The following THSD7A variants were observed in gnomAD, a reference collection of about 807,000 sequenced individuals.
The protein encoded by THSD7A is thrombospondin type 1 domain containing 7A.
A neutral mutation model predicts 231.3 loss-of-function variants in THSD7A; 96 were observed. That is an observed-to-expected ratio of 0.41 (90% CI 0.35 to 0.49). THSD7A has a LOEUF of 0.49. Ranked by LOEUF, THSD7A falls within the 20% of genes least tolerant of loss-of-function variation. The pLI is 0.05. For missense variants in THSD7A, 2,290 were observed against 2,070.2 expected (o/e 1.11, Z -2.06); for synonymous variants, 940 against 743.3 (o/e 1.26, Z -4.30).
At chr7:11,608,508 G>T (rs1039820238) in intron 2 of THSD7A, among the ~76,000 whole-genome samples, 2 of 152,118 alleles carry the variant, frequency 1.3e-5, no homozygotes, top group African/African-American at 4.8e-5. Flanking sequence ...AGAACATTGG[G>T]TTACATTAAC....
chr7:11,457,218 A>G (rs147499326), intron 11 of THSD7A, among the ~76,000 whole-genome samples: 1 of 152,142 alleles, frequency 6.6e-6, no homozygotes, highest in African/African-American at 2.4e-5. Context: ...ACATTTCTAC[A>G]TTTCAAGTGC....
At chr7:11,420,577 C>T (rs1784110608) in intron 16 of THSD7A, among the ~76,000 whole-genome samples, 1 of 152,194 alleles carries the variant, frequency 6.6e-6, no homozygotes, top group Non-Finnish European at 1.5e-5. Flanking sequence ...GCTTTCAGTA[C>T]TAGGGCAGTG....
At chr7:11,502,057 C>T (rs1209458400) in intron 6 of THSD7A, among the ~76,000 whole-genome samples, 1 of 152,084 alleles carries the variant, frequency 6.6e-6, no homozygotes, top group Non-Finnish European at 1.5e-5. Flanking sequence ...TGGACATACA[C>T]ACCCTCCCAA....
intron 1 of THSD7A, among the ~76,000 whole-genome samples, chr7:11,781,480 G>A (rs766156033): frequency 4.6e-5 from 7 of 151,852 alleles, no homozygotes; most frequent in Non-Finnish European, 7.4e-5. Context: ...AAAAGAAGAC[G>A]AAAAGAAAGG....
intron 4 of THSD7A, among the ~76,000 whole-genome samples, chr7:11,570,291 A>G (rs1790568399): frequency 6.6e-6 from 1 of 152,222 alleles, no homozygotes; most frequent in Admixed American, 6.5e-5. Flanking sequence ...GGTGGGAGCT[A>G]AAAAGAGTTG....
chr7:11,658,517 G>C (rs1469822605), intron 1 of THSD7A, among the ~76,000 whole-genome samples: 1 of 151,438 alleles, frequency 6.6e-6, no homozygotes, highest in Non-Finnish European at 1.5e-5. Flanking sequence ...GTCTCTCTGA[G>C]GGTGTGTTAC....
At chr7:11,520,916 G>A (rs558132466) in intron 6 of THSD7A, among the ~76,000 whole-genome samples, 2 of 152,254 alleles carry the variant, frequency 1.3e-5, no homozygotes, top group African/African-American at 4.8e-5. Flanking sequence ...TTTTAGCCAT[G>A]GCAACAAGAG....
intron 17 of THSD7A, among the ~76,000 whole-genome samples, chr7:11,414,618 C>G (rs117495161): frequency 1.5e-3 from 224 of 152,268 alleles, no homozygotes; most frequent in African/African-American, 3.4e-3. Flanking sequence ...TGTCATTCTT[C>G]AGTTGACAAC....
intron 1 of THSD7A, among the ~76,000 whole-genome samples, chr7:11,651,515 C>CTATCTA (rs1782507759): frequency 6.6e-6 from 1 of 150,920 alleles, no homozygotes; most frequent in Non-Finnish European, 1.5e-5. Context: ...ATCTATCTAT[C>CTATCTA]TATCTATCTA....
chr7:11,800,801 C>T (rs932105430), intron 1 of THSD7A, among the ~76,000 whole-genome samples: 3 of 152,102 alleles, frequency 2.0e-5, no homozygotes, highest in African/African-American at 7.2e-5. Flanking sequence ...TCCTAGAGCT[C>T]TTCTCTACAA....
rs1782972508 is a variant in THSD7A at position 11,391,317 on chromosome 7, AGGC to A, written c.4412-8704_4412-8702del. The stretch of plus-strand genomic sequence containing the variant: ...CTGCCCAGAGAGGAGGAATCTAGAA[AGGC>A]GGTCTGGCCACAGCAGACTTGCTGA... On this transcript the variant is annotated intron_variant, in intron 23 of 27. Coordinates refer to ENST00000423059, the MANE Select transcript of THSD7A (RefSeq NM_015204.3). 2.0e-5 allele frequency among the ~76,000 whole-genome samples: 3 copies of A among 152,330 alleles called. No homozygotes were observed. The South Asian group carries it at 6.2e-4, about 32-fold the overall frequency.
chr7:11,587,430 G>C (rs1026487015), intron 4 of THSD7A, among the ~76,000 whole-genome samples: 4 of 152,146 alleles, frequency 2.6e-5, no homozygotes, highest in Non-Finnish European at 5.9e-5. Context: ...TAGTTGTCAG[G>C]ATTGGGAGGG....
chr7:11,404,211 A>C (rs1783505691), intron 22 of THSD7A, among the ~76,000 whole-genome samples: 1 of 152,198 alleles, frequency 6.6e-6, no homozygotes, highest in Admixed American at 6.5e-5. Flanking sequence ...GTACAAGGAC[A>C]GGGTCTCTTG....
chr7:11,780,270 A>G (rs1583284952), intron 1 of THSD7A, among the ~76,000 whole-genome samples: 1 of 152,168 alleles, frequency 6.6e-6, no homozygotes, highest in East Asian at 1.9e-4. Context: ...TTATGATGGT[A>G]TATTTAGTCT....
At chr7:11,393,280 A>G (rs1011269600) in intron 23 of THSD7A, among the ~76,000 whole-genome samples, 1 of 152,132 alleles carries the variant, frequency 6.6e-6, no homozygotes, top group African/African-American at 2.4e-5. Flanking sequence ...GACCTGCAGC[A>G]GAGGGTCCTG....
Position 11,373,035 on chromosome 7 carries a change from A to G in THSD7A, c.*2759T>C, listed in dbSNP as rs972541167. On this transcript the variant is annotated 3_prime_UTR_variant, in exon 28 of 28. Transcript: ENST00000423059. ...CTAATATTAGGTCATGTTGAACCTAATTTCCTCTCTCTCATATATATGGGT... is the reference window on the plus strand; with the variant it reads ...CTAATATTAGGTCATGTTGAACCTAGTTTCCTCTCTCTCATATATATGGGT... 3.4e-5 allele frequency: 5 copies of G among 148,948 alleles called. No homozygotes were observed. Among genetic ancestry groups the G allele is most frequent in the Non-Finnish European group, 7.4e-5 (5 of 67,262 alleles). The allele number at this position is 148,948 out of a possible 1,614,324, so 9.2% of individuals were successfully genotyped here. A position where few individuals can be genotyped will look rare whatever the true frequency, so the allele number is the denominator to read the frequency against.
chr7:11,589,343 T>C (rs1339662443), intron 4 of THSD7A, among the ~76,000 whole-genome samples: 1 of 152,176 alleles, frequency 6.6e-6, no homozygotes, highest in Non-Finnish European at 1.5e-5. Flanking sequence ...TGCTTTTCTT[T>C]AGCATTGTGC....
chr7:11,511,144 C>T (rs1233671389), intron 6 of THSD7A, among the ~76,000 whole-genome samples: 1 of 152,116 alleles, frequency 6.6e-6, no homozygotes, highest in Non-Finnish European at 1.5e-5. Context: ...CAATAACAGA[C>T]AAGCAGAGAG....
intron 6 of THSD7A, among the ~76,000 whole-genome samples, chr7:11,527,605 G>A (rs1788532313): frequency 6.6e-6 from 1 of 151,972 alleles, no homozygotes; most frequent in South Asian, 2.1e-4. Flanking sequence ...GTTTTGAAAA[G>A]CCACGTTAGA....
Sources: gnomAD v4.1 joint callset for allele counts (sites outside exome capture counted in the v4.1 genomes callset) on GRCh38, gnomAD v4.1.1 for gene constraint, MANE v1.5 for transcripts, NCBI Gene and HGNC (gene_info 2026-07-23, HGNC 2026-07-21) for gene names.